The following CLGN variants were observed in gnomAD, a reference collection of about 807,000 sequenced individuals.
The protein encoded by CLGN is calmegin, also known as testis tissue sperm-binding protein Li 79P.
A neutral mutation model predicts 79.1 loss-of-function variants in CLGN; 62 were observed. That is an observed-to-expected ratio of 0.78 (90% CI 0.64 to 0.97). The LOEUF (loss-of-function observed/expected upper bound fraction) is 0.97, where lower values mean the gene tolerates loss of function less well. Among genes scored for constraint, CLGN ranks in the 50% least tolerant of loss-of-function variants. The probability of loss-of-function intolerance (pLI) is 0.00; values close to 1 mark genes in which losing one functional copy is unlikely to be tolerated. For synonymous variants in CLGN, 225 were observed against 224.7 expected, an observed-to-expected ratio of 1.00 and a Z score of -0.01; for missense variants, 647 against 715.5, an observed-to-expected ratio of 0.90 and a Z score of 1.09.
chr4:140,417,011 T>A (rs1729353311), intron 1 of CLGN, among the ~76,000 whole-genome samples: 1 of 151,984 alleles, frequency 6.6e-6, no homozygotes, highest in Admixed American at 6.6e-5. Flanking sequence ...CATGATGAAG[T>A]GGGCTTCATC....
intron 5 of CLGN, among the ~76,000 whole-genome samples, chr4:140,402,913 G>T (rs1729025434): frequency 6.6e-6 from 1 of 152,020 alleles, no homozygotes; most frequent in South Asian, 2.1e-4. Flanking sequence ...GAAAACTAGA[G>T]AAATAACCAG....
Position 140,413,070 on chromosome 4 carries a change from G to C in CLGN, c.9C>G (p.Phe3Leu). 1 of 1,607,346 alleles carries C rather than the reference G, an allele frequency of 6.2e-7. No homozygotes were observed. Among genetic ancestry groups the C allele is most frequent in the Non-Finnish European group, 8.5e-7 (1 of 1,178,060 alleles). Residue 3 changes from phenylalanine (F) to leucine (L), a missense_variant, in exon 2 of 15, where the codon TTC becomes TTG. Phe to Leu is a conservative substitution (Grantham distance 22). Coordinates refer to ENST00000325617, the MANE Select transcript of CLGN (RefSeq NM_004362.3). MH[F>L]QAFWLCLGLL... ...GACCCAAACATAGCCAAAAGGCTTGGAAATGCATATTGATTATCTGTGAAA... is the reference window on the plus strand; with the variant it reads ...GACCCAAACATAGCCAAAAGGCTTGCAAATGCATATTGATTATCTGTGAAA...
intron 11 of CLGN, among the ~76,000 whole-genome samples, chr4:140,393,316 C>A (rs1728810960): frequency 1.3e-5 from 2 of 152,020 alleles, no homozygotes; most frequent in Non-Finnish European, 2.9e-5. Flanking sequence ...TTCTTTATAG[C>A]AACTGAATTT....
At chr4:140,418,028 A>C (rs1028260913) in intron 1 of CLGN, among the ~76,000 whole-genome samples, 3 of 152,164 alleles carry the variant, frequency 2.0e-5, no homozygotes, top group Admixed American at 6.5e-5. Flanking sequence ...AACAAAACAG[A>C]GCCCTCAGAA....
chr4:140,417,780 G>A (rs1289755769), intron 1 of CLGN, among the ~76,000 whole-genome samples: 1 of 149,866 alleles, frequency 6.7e-6, no homozygotes, highest in Non-Finnish European at 1.5e-5. Flanking sequence ...TACTGCCCAA[G>A]GTAATTTACA....
chr4:140,390,336 C>T (rs538816391), intron 14 of CLGN, among the ~76,000 whole-genome samples: 1 of 151,770 alleles, frequency 6.6e-6, no homozygotes, highest in Admixed American at 6.6e-5. Flanking sequence ...GTTTATTATG[C>T]TTTTCAATAG....
rs1728726946 is a variant in CLGN, at chr4:140,389,113, T to C, written c.*111A>G. 1 of 777,212 alleles carries C rather than the reference T, an allele frequency of 1.3e-6. No homozygotes were observed. The highest frequency in any genetic ancestry group is 1.7e-5 in the African/African-American group (1 of 57,276). 48.1% of individuals were successfully genotyped at this position (777,212 alleles called of 1,614,324 possible). The stretch of plus-strand genomic sequence containing the variant: ...AATAAATGTCTGAAAGAATATAATG[T>C]TGCTAGATATTAGAAACAGGATGTG... On this transcript the variant is annotated 3_prime_UTR_variant, in exon 15 of 15. Transcript: ENST00000325617.
intron 1 of CLGN, among the ~76,000 whole-genome samples, chr4:140,413,594 C>T (rs535805220): frequency 3.9e-5 from 6 of 152,310 alleles, no homozygotes; most frequent in East Asian, 1.9e-4. Context: ...AAAGGGGTGA[C>T]GGACGGCACC....
At chr4:140,412,314 A>C (rs1729228797) in intron 2 of CLGN, among the ~76,000 whole-genome samples, 1 of 152,174 alleles carries the variant, frequency 6.6e-6, no homozygotes, top group Non-Finnish European at 1.5e-5. Flanking sequence ...CTCACCACCA[A>C]AAATATCTCT....
rs950446923 is a variant in CLGN, at chr4:140,395,705, A to G, written c.1149+114T>C. 7.2e-6 allele frequency: 6 copies of G among 831,882 alleles called. No individual in the cohort carries two copies. The South Asian group carries it at 2.5e-4, about 34-fold the overall frequency. The allele number at this position is 831,882 out of a possible 1,614,324, so 51.5% of individuals were successfully genotyped here. A position where few individuals can be genotyped will look rare whatever the true frequency, so the allele number is the denominator to read the frequency against. ...TTAGTTGAGGTCTATTTTCTTTGAC[A>G]TCTTAAAATTAAAAATGAAACTTCC... is the stretch of plus-strand genomic sequence containing the variant. On this transcript the variant is annotated intron_variant, in intron 10 of 14. Coordinates refer to ENST00000325617, the MANE Select transcript of CLGN (RefSeq NM_004362.3).
intron 6 of CLGN, among the ~76,000 whole-genome samples, 158 bp from the exon 7 acceptor site, chr4:140,400,707 A>C (rs981746221): frequency 2.0e-5 from 3 of 152,198 alleles, no homozygotes; most frequent in Non-Finnish European, 4.4e-5. Context: ...GGACATGGGA[A>C]AATGACAAAT....
At chr4:140,420,461 C>T (rs984627296) in intron 1 of CLGN, among the ~76,000 whole-genome samples, 4 of 151,434 alleles carry the variant, frequency 2.6e-5, no homozygotes, top group African/African-American at 9.7e-5. Context: ...TCCTAATCAA[C>T]AAAACAAAAA....
At chr4:140,420,989 T>C (rs1187484072) in intron 1 of CLGN, among the ~76,000 whole-genome samples, 1 of 152,130 alleles carries the variant, frequency 6.6e-6, no homozygotes. Context: ...GGAAACCATC[T>C]TTCTAATATC....
intron 8 of CLGN, among the ~76,000 whole-genome samples, chr4:140,396,789 G>A (rs556240144): frequency 1.3e-4 from 19 of 148,788 alleles, no homozygotes; most frequent in Middle Eastern, 3.4e-3. Context: ...AACTCCTAAC[G>A]TCAGGTGATC....
At chr4:140,413,707 C>G in intron 1 of CLGN, among the ~76,000 whole-genome samples, 1 of 152,180 alleles carries the variant, frequency 6.6e-6, no homozygotes, top group Non-Finnish European at 1.5e-5. Context: ...GAGGGTCTTA[C>G]GCCCACGGAG....
At chr4:140,396,040 A>C in intron 9 of CLGN, 52 bp downstream of exon 9, 1 of 1,610,142 alleles carries the variant, frequency 6.2e-7, no homozygotes, top group Non-Finnish European at 8.5e-7. Flanking sequence ...TAGTAACAAA[A>C]ATGCATGTAA....
At chr4:140,410,848 G>A (rs1267544377) in intron 2 of CLGN, among the ~76,000 whole-genome samples, 1 of 151,936 alleles carries the variant, frequency 6.6e-6, no homozygotes, top group Non-Finnish European at 1.5e-5. Flanking sequence ...ACAAACAGTG[G>A]ATACACTGAC....
chr4:140,416,685 A>G (rs1011071811), intron 1 of CLGN, among the ~76,000 whole-genome samples: 2 of 151,756 alleles, frequency 1.3e-5, no homozygotes, highest in African/African-American at 4.8e-5. Context: ...CAATAACAGG[A>G]TCTGAAATTG....
chr4:140,401,845 C>A, intron 6 of CLGN, 140 bp downstream of exon 6: 1 of 535,682 alleles, frequency 1.9e-6, no homozygotes, highest in Non-Finnish European at 3.2e-6. Flanking sequence ...ATTGTAAGAG[C>A]TATGTAAATT....
Sources: gnomAD v4.1 joint callset for allele counts (sites outside exome capture counted in the v4.1 genomes callset) on GRCh38, gnomAD v4.1.1 for gene constraint, MANE v1.5 for transcripts, NCBI Gene and HGNC (gene_info 2026-07-23, HGNC 2026-07-21) for gene names.